The following DEPTOR variants were observed in gnomAD, a reference collection of about 807,000 sequenced individuals.
DEPTOR encodes DEP domain containing MTOR interacting protein.
Under a neutral mutation model 41.6 loss-of-function variants are expected in DEPTOR, and 41 were observed. The ratio of observed to expected loss-of-function variants is 0.98; its 90% CI spans 0.77 to 1.28. The LOEUF is 1.28. DEPTOR is among the 50% of genes most tolerant of loss of function. The pLI, the probability that DEPTOR is intolerant of heterozygous loss-of-function variation, is 0.00. For missense variants in DEPTOR, 514 were observed against 527.9 expected (o/e 0.97, Z 0.26); for synonymous variants, 195 against 192.3 (o/e 1.01, Z -0.12).
At chr8:119,992,956 G>A (rs950824821) in intron 4 of DEPTOR, among the ~76,000 whole-genome samples, 9 of 152,008 alleles carry the variant, frequency 5.9e-5, no homozygotes, top group South Asian at 2.1e-4. Flanking sequence ...TGCGCCCAAC[G>A]AAAATAGTTT....
At chr8:119,929,770 G>A (rs112648661) in intron 2 of DEPTOR, 45 bp from the exon 3 acceptor site, 142 of 1,562,660 alleles carry the variant, frequency 9.1e-5, no homozygotes, top group Non-Finnish European at 1.1e-4. Context: ...TTAAATAAGA[G>A]CGATTTTTTT....
chr8:119,945,901 A>G (rs1382506682), intron 3 of DEPTOR, among the ~76,000 whole-genome samples: 1 of 152,200 alleles, frequency 6.6e-6, no homozygotes, highest in Non-Finnish European at 1.5e-5. Context: ...GTATTGAAGT[A>G]AAAGTGGATA....
chr8:119,986,496 T>C (rs1171266515), intron 4 of DEPTOR, among the ~76,000 whole-genome samples: 1 of 152,128 alleles, frequency 6.6e-6, no homozygotes, highest in Non-Finnish European at 1.5e-5. Flanking sequence ...AATCTGATGA[T>C]TATGTGTCTT....
At chr8:119,972,134 G>A (rs1156833400) in intron 4 of DEPTOR, among the ~76,000 whole-genome samples, 1 of 152,164 alleles carries the variant, frequency 6.6e-6, no homozygotes, top group African/African-American at 2.4e-5. Flanking sequence ...CTTGGCAAAA[G>A]CTTTTAACAC....
chr8:120,013,404 C>T (rs1222631419), intron 8 of DEPTOR, among the ~76,000 whole-genome samples: 2 of 152,080 alleles, frequency 1.3e-5, no homozygotes, highest in Non-Finnish European at 2.9e-5. Context: ...CCTATTTTAC[C>T]ATTTGTCATA....
chr8:119,899,527 T>C (rs1045559977), intron 1 of DEPTOR, among the ~76,000 whole-genome samples: 2 of 152,226 alleles, frequency 1.3e-5, no homozygotes, highest in Non-Finnish European at 2.9e-5. Flanking sequence ...TTTACAATGG[T>C]AGTCAAAAAT....
chr8:120,031,814 G>T (rs1226281168), intron 8 of DEPTOR, among the ~76,000 whole-genome samples: 1 of 152,044 alleles, frequency 6.6e-6, no homozygotes, highest in Non-Finnish European at 1.5e-5. Context: ...TCAAACCTGG[G>T]GAGCTTCCAT....
chr8:119,993,298 A>G (rs916718173), intron 4 of DEPTOR, among the ~76,000 whole-genome samples: 3 of 152,122 alleles, frequency 2.0e-5, no homozygotes, highest in African/African-American at 7.2e-5. Context: ...TAAAGTTCCA[A>G]CTTTCCTAAA....
chr8:119,987,343 G>T (rs1401725828), intron 4 of DEPTOR, among the ~76,000 whole-genome samples: 1 of 152,138 alleles, frequency 6.6e-6, no homozygotes, highest in Admixed American at 6.5e-5. Flanking sequence ...CTCTTTGCCT[G>T]GGTATCACCA....
chr8:119,992,815 C>A (rs1393145020), intron 4 of DEPTOR, among the ~76,000 whole-genome samples: 1 of 151,944 alleles, frequency 6.6e-6, no homozygotes, highest in East Asian at 1.9e-4. Context: ...CACCACCATG[C>A]CTGGCTAATT....
intron 1 of DEPTOR, among the ~76,000 whole-genome samples, chr8:119,913,204 G>A (rs1827767081): frequency 6.6e-6 from 1 of 152,196 alleles, no homozygotes; most frequent in African/African-American, 2.4e-5. Context: ...TTATAGGCAT[G>A]AGCCACTGCA....
intron 4 of DEPTOR, among the ~76,000 whole-genome samples, chr8:119,980,654 A>T (rs1042784050): frequency 6.6e-6 from 1 of 151,498 alleles, no homozygotes; most frequent in Non-Finnish European, 1.5e-5. Context: ...AGCAGCTGGG[A>T]TTACAGGCAT....
intron 4 of DEPTOR, among the ~76,000 whole-genome samples, chr8:119,968,951 G>A (rs57547886): frequency 0.036 from 5,444 of 152,078 alleles, 105 homozygotes; most frequent in African/African-American, 0.052. Context: ...AAAATTAGCC[G>A]GGAGTCATGG....
At chr8:119,875,694 A>G (rs1252429325) in intron 1 of DEPTOR, among the ~76,000 whole-genome samples, 42 of 152,136 alleles carry the variant, frequency 2.8e-4, no homozygotes, top group Admixed American at 2.8e-3. Flanking sequence ...GGCTGGGACG[A>G]GGGGTGCAGG....
chr8:119,953,687 A>G (rs931300999), intron 3 of DEPTOR, among the ~76,000 whole-genome samples: 1 of 151,864 alleles, frequency 6.6e-6, no homozygotes, highest in South Asian at 2.1e-4. Flanking sequence ...AAGCCCGTCT[A>G]TCTAGATTCT....
At chr8:119,928,273 G>T in intron 1 of DEPTOR, 127 bp from the exon 2 acceptor site, 2 of 987,890 alleles carry the variant, frequency 2.0e-6, no homozygotes, top group East Asian at 2.6e-5. Flanking sequence ...ATCACCAAGC[G>T]AGCTAAAGAT....
intron 1 of DEPTOR, among the ~76,000 whole-genome samples, chr8:119,924,835 C>G (rs1827944034): frequency 6.6e-6 from 1 of 152,124 alleles, no homozygotes; most frequent in African/African-American, 2.4e-5. Flanking sequence ...TATTTCGCCA[C>G]CCAGGTAATG....
intron 1 of DEPTOR, among the ~76,000 whole-genome samples, chr8:119,887,633 G>A (rs1393807230): frequency 1.4e-5 from 2 of 147,716 alleles, no homozygotes; most frequent in Non-Finnish European, 3.0e-5. Flanking sequence ...CCAAGTAGCT[G>A]GGATTACAGG....
chr8:119,880,014 C>T (rs190174345), intron 1 of DEPTOR, among the ~76,000 whole-genome samples: 2,828 of 151,640 alleles, frequency 0.019, 86 homozygotes, highest in African/African-American at 0.064. Flanking sequence ...CGGTGGCAGG[C>T]ACCTATAGTC....
Sources: allele counts gnomAD v4.1 joint callset (sites outside exome capture counted in the v4.1 genomes callset), GRCh38; gene constraint gnomAD v4.1.1; transcripts MANE v1.5; gene names NCBI Gene and HGNC (gene_info 2026-07-23, HGNC 2026-07-21).